The following CNTN3 variants were observed in gnomAD, a reference collection of about 807,000 sequenced individuals.
The protein encoded by CNTN3 is contactin 3, also known as contactin-3.
In CNTN3, 60 loss-of-function variants were observed where a neutral mutation model predicts 119.1. That is an observed-to-expected ratio of 0.50 (90% CI 0.41 to 0.62). The LOEUF (loss-of-function observed/expected upper bound fraction) is 0.62. Among genes scored for constraint, CNTN3 ranks in the 20% least tolerant of loss-of-function variants. The probability of loss-of-function intolerance (pLI) is 0.00; values close to 1 mark genes in which losing one functional copy is unlikely to be tolerated. For missense variants in CNTN3, 1,101 were observed against 1,242.4 expected (o/e 0.89, Z 1.71); for synonymous variants, 450 against 438.7 (o/e 1.03, Z -0.32).
intron 11 of CNTN3, among the ~76,000 whole-genome samples, chr3:74,353,506 C>CA (rs1185541527): frequency 1.3e-5 from 2 of 152,182 alleles, no homozygotes; most frequent in Non-Finnish European, 2.9e-5. Flanking sequence ...CCTGTAATCC[C>CA]AGCACTTTGG....
In CNTN3 at chr3:74,298,222, T is replaced by C. The variant is rs372141159; in HGVS notation, c.2167-31A>G. On this transcript the variant is annotated intron_variant, in intron 17 of 22. Transcript: ENST00000263665. ...AAGGAAAGACATACTGAATCACCCTTACACATAAGGGCAAGGCAAAAATGA... is the reference window on the plus strand; with the variant it reads ...AAGGAAAGACATACTGAATCACCCTCACACATAAGGGCAAGGCAAAAATGA... The C allele has an allele frequency of 1.9e-5, 27 of 1,449,476 alleles. No homozygotes were observed. In the African/African-American group the frequency reaches 3.7e-4, roughly 20 times the overall value. 89.8% of individuals were successfully genotyped at this position (1,449,476 alleles called of 1,614,324 possible).
intron 13 of CNTN3, among the ~76,000 whole-genome samples, chr3:74,323,049 C>A (rs1703034681): frequency 6.6e-6 from 1 of 152,086 alleles, no homozygotes; most frequent in Admixed American, 6.6e-5. Context: ...AGCTATTCTG[C>A]GAGATACTAC....
intron 4 of CNTN3, among the ~76,000 whole-genome samples, chr3:74,451,368 T>C (rs1338834174): frequency 6.6e-6 from 1 of 152,154 alleles, no homozygotes; most frequent in Non-Finnish European, 1.5e-5. Flanking sequence ...GTTGTTTGTT[T>C]TTTTCTTGTA....
intron 4 of CNTN3, among the ~76,000 whole-genome samples, chr3:74,434,665 T>C (rs912473288): frequency 2.3e-4 from 35 of 152,206 alleles, no homozygotes; most frequent in Non-Finnish European, 4.7e-4. Flanking sequence ...AGGTTCCCCA[T>C]CAGTAAATTA....
At chr3:74,425,968 G>T (rs1701689073) in intron 4 of CNTN3, among the ~76,000 whole-genome samples, 1 of 151,902 alleles carries the variant, frequency 6.6e-6, no homozygotes, top group Admixed American at 6.6e-5. Flanking sequence ...AGCATCCAAA[G>T]ATTTTTTCAA....
At chr3:74,558,503 A>C (rs1383704617) in intron 1 of CNTN3, among the ~76,000 whole-genome samples, 3 of 152,192 alleles carry the variant, frequency 2.0e-5, no homozygotes, top group Non-Finnish European at 4.4e-5. Flanking sequence ...ATACTTTTAA[A>C]GACAGACATA....
At chr3:74,310,737 G>A (rs571469363) in intron 13 of CNTN3, among the ~76,000 whole-genome samples, 4 of 152,290 alleles carry the variant, frequency 2.6e-5, no homozygotes, top group African/African-American at 9.6e-5. Context: ...ATTTCAGGAG[G>A]AGAGGGATAG....
intron 4 of CNTN3, among the ~76,000 whole-genome samples, chr3:74,481,170 G>T (rs1222118726): frequency 6.6e-6 from 1 of 151,700 alleles, no homozygotes; most frequent in Non-Finnish European, 1.5e-5. Flanking sequence ...AACTAAAAAA[G>T]CCATCATCAA....
intron 4 of CNTN3, among the ~76,000 whole-genome samples, chr3:74,434,251 A>C (rs1227344825): frequency 6.6e-6 from 1 of 152,218 alleles, no homozygotes; most frequent in Non-Finnish European, 1.5e-5. Context: ...TGAACCTCAC[A>C]GGGCTTTTCA....
At chr3:74,406,494 G>A (rs1705325823) in intron 5 of CNTN3, among the ~76,000 whole-genome samples, 1 of 150,904 alleles carries the variant, frequency 6.6e-6, no homozygotes, top group Middle Eastern at 3.5e-3. Context: ...TCCATAATAA[G>A]CATCGTTGCT....
In CNTN3 at chr3:74,369,339, C is replaced by T. The variant is rs1316099058; in HGVS notation, c.796G>A (p.Gly266Arg). 1 of 1,605,634 alleles carries T rather than the reference C, an allele frequency of 6.2e-7. No homozygotes were observed. The highest frequency in any genetic ancestry group is 1.1e-5 in the South Asian group (1 of 90,010). Reference protein sequence around the residue: ...IPQINWRRSDGLPFSSKIKLR... With the variant: ...IPQINWRRSDRLPFSSKIKLR... ...TTAATTTTGCTGGAAAATGGCAGCC[C>T]ATCACTTCTTCTCCAATTAATCTGA... is the stretch of plus-strand genomic sequence containing the variant. Residue 266 changes from glycine (G) to arginine (R), a missense_variant, in exon 8 of 23, where the codon GGG (glycine) becomes AGG (arginine). Coordinates refer to ENST00000263665, the MANE Select transcript of CNTN3 (RefSeq NM_020872.3).
intron 19 of CNTN3, among the ~76,000 whole-genome samples, chr3:74,287,336 A>G (rs1575699141): frequency 6.6e-6 from 1 of 152,328 alleles, no homozygotes; most frequent in East Asian, 1.9e-4. Context: ...GAATGTTCCT[A>G]TTGTGAAGAG....
intron 3 of CNTN3, among the ~76,000 whole-genome samples, chr3:74,497,156 G>T (rs1479144756): frequency 6.6e-6 from 1 of 151,828 alleles, no homozygotes; most frequent in Non-Finnish European, 1.5e-5. Context: ...CATGTAAAAA[G>T]ATCCACCATA....
chr3:74,337,646 G>C (rs1703430156), intron 11 of CNTN3, among the ~76,000 whole-genome samples: 3 of 152,066 alleles, frequency 2.0e-5, no homozygotes, highest in Admixed American at 2.0e-4. Context: ...CACAAGAACA[G>C]TATGGGGAAA....
At position 74,278,261 on chromosome 3, in the gene CNTN3, A is replaced by C. The variant is rs184079099; in HGVS notation, c.2704+7044T>G. 4.4e-4 allele frequency among the ~76,000 whole-genome samples: 67 copies of C among 152,248 alleles called. No individual in the cohort carries two copies. In the East Asian group the frequency reaches 9.8e-3, roughly 22 times the overall value. ...ATATTCTTCAAAGGATTATAAAAAAAACTCTAAAATTCATATAGAATCAAA... is the reference window on the plus strand; with the variant it reads ...ATATTCTTCAAAGGATTATAAAAAACACTCTAAAATTCATATAGAATCAAA... On this transcript the variant is annotated intron_variant, in intron 20 of 22. Coordinates refer to ENST00000263665, the MANE Select transcript of CNTN3 (RefSeq NM_020872.3).
chr3:74,269,048 GAA>G (rs5850167), intron 20 of CNTN3, among the ~76,000 whole-genome samples: 4,995 of 117,156 alleles, frequency 0.043, 271 homozygotes, highest in African/African-American at 0.13. Context: ...ATGACAAAAA[GAA>G]AAAAAAAAAA....
rs115515959 is a variant in CNTN3 at position 74,398,233 on chromosome 3, G to A, written c.454+26612C>T. On this transcript the variant is annotated intron_variant, in intron 5 of 22. Transcript: ENST00000263665. The stretch of plus-strand genomic sequence containing the variant: ...ATGGATAAATCTTTTGTGAAAGGAA[G>A]AGTCAATTGATGTGGCACACTTCAC... 5.5e-3 allele frequency among the ~76,000 whole-genome samples: 839 copies of A among 152,306 alleles called. 2 individuals carry two copies. The highest frequency in any genetic ancestry group is 9.8e-3 in the Non-Finnish European group (667 of 68,028).
At chr3:74,397,693 C>T (rs1462114068) in intron 5 of CNTN3, among the ~76,000 whole-genome samples, 3 of 152,038 alleles carry the variant, frequency 2.0e-5, no homozygotes, top group African/African-American at 4.8e-5. Context: ...TTGTAGGTGC[C>T]GTAGATGGTG....
Position 74,306,214 on chromosome 3 carries a change from C to CAAAA in CNTN3, c.1669-3411_1669-3408dup, listed in dbSNP as rs79818182. Among the ~76,000 whole-genome samples the CAAAA allele has an allele frequency of 2.5e-4, 21 of 84,126 alleles. 3 individuals carry two copies. The highest frequency in any genetic ancestry group is 3.9e-4 in the African/African-American group (9 of 22,936). The allele number at this position is 84,126 out of a possible 152,430, so 55.2% of individuals were successfully genotyped here. A position where few individuals can be genotyped will look rare whatever the true frequency, so the allele number is the denominator to read the frequency against. On this transcript the variant is annotated intron_variant, in intron 13 of 22. Transcript: ENST00000263665. The stretch of plus-strand genomic sequence containing the variant: ...ATAAAGGATGTGAGAGAGAAATGTC[C>CAAAA]AAAAAAAAAAAAAAAAGAAACTCGG...
Sources: allele counts gnomAD v4.1 joint callset (sites outside exome capture counted in the v4.1 genomes callset), GRCh38; gene constraint gnomAD v4.1.1; transcripts MANE v1.5; gene names NCBI Gene and HGNC (gene_info 2026-07-23, HGNC 2026-07-21).